Variants in NSD1 observed in about 807,000 individuals in gnomAD.
NSD1 encodes the protein histone-lysine N-methyltransferase, H3 lysine-36 specific.
Under a neutral mutation model 242.7 loss-of-function variants are expected in NSD1, and 26 were observed. The ratio of observed to expected loss-of-function variants is 0.11; its 90% CI spans 0.08 to 0.15. The LOEUF (loss-of-function observed/expected upper bound fraction) is 0.15, where lower values mean the gene tolerates loss of function less well. Among genes scored for constraint, NSD1 ranks in the 10% least tolerant of loss-of-function variants. The probability of loss-of-function intolerance (pLI) is 1.00; values close to 1 mark genes in which losing one functional copy is unlikely to be tolerated. For missense variants in NSD1, 2,495 were observed against 3,272.8 expected (o/e 0.76, Z 5.80); for synonymous variants, 1,106 against 1,178.1 (o/e 0.94, Z 1.25).
At chr5:177,143,466 T>C (rs796369846) in intron 2 of NSD1, among the ~76,000 whole-genome samples, 1 of 151,524 alleles carries the variant, frequency 6.6e-6, no homozygotes, top group South Asian at 2.1e-4. Flanking sequence ...GGATTACAGG[T>C]GCATGCCACC....
intron 5 of NSD1, among the ~76,000 whole-genome samples, chr5:177,224,131 C>A (rs1373792786): frequency 6.6e-6 from 1 of 152,064 alleles, no homozygotes; most frequent in Non-Finnish European, 1.5e-5. Flanking sequence ...TTTTCAAGAT[C>A]ATTTTGGCTC....
upstream of NSD1, among the ~76,000 whole-genome samples, chr5:177,132,490 C>T (rs1482613642): frequency 6.6e-6 from 1 of 151,842 alleles, no homozygotes; most frequent in African/African-American, 2.4e-5. The surrounding 1 kb of genome is among the most constrained non-coding windows in gnomAD (Gnocchi z 7.5). Context: ...GACCCCCTCC[C>T]CCGGCGTTCC....
chr5:177,214,227 G>A (rs1025450771), intron 5 of NSD1, among the ~76,000 whole-genome samples: 6 of 152,156 alleles, frequency 3.9e-5, no homozygotes, highest in Admixed American at 3.9e-4. Flanking sequence ...AGCCACTCGG[G>A]AGGCTGAGGT....
chr5:177,216,488 T>C (rs1178759230), intron 5 of NSD1, among the ~76,000 whole-genome samples: 1 of 152,190 alleles, frequency 6.6e-6, no homozygotes, highest in Non-Finnish European at 1.5e-5. Context: ...AGGTCTTTGA[T>C]CTATTTTATG....
chr5:177,183,798 C>G (rs116029808), intron 2 of NSD1, among the ~76,000 whole-genome samples: 85 of 152,158 alleles, frequency 5.6e-4, no homozygotes, highest in African/African-American at 2.0e-3. Flanking sequence ...ACTTCCCTTC[C>G]TAGCTTCTAG....
chr5:177,199,613 T>TCTTTTCTTTTC (rs776032109), intron 3 of NSD1, among the ~76,000 whole-genome samples: 4 of 151,456 alleles, frequency 2.6e-5, no homozygotes, highest in African/African-American at 7.3e-5. Flanking sequence ...TCTTTTCTTT[T>TCTTTTCTTTTC]TTTTTGAGAT....
chr5:177,204,782 TTTTGTTTG>T (rs1302093398), intron 4 of NSD1, among the ~76,000 whole-genome samples: 4 of 151,854 alleles, frequency 2.6e-5, no homozygotes, highest in Non-Finnish European at 4.4e-5. Context: ...GGTGGGTTTT[TTTTGTTTG>T]TTTGTTTGTT....
At chr5:177,155,222 CAG>C (rs1491500588) in intron 2 of NSD1, among the ~76,000 whole-genome samples, 1 of 152,170 alleles carries the variant, frequency 6.6e-6, no homozygotes, top group Non-Finnish European at 1.5e-5. Flanking sequence ...CTCCCTACCT[CAG>C]GGGATCCGCC....
Position 177,210,648 on chromosome 5 carries a change from C to T in NSD1, c.2249C>T (p.Ala750Val), listed in dbSNP as rs771678307. 1.5e-5 allele frequency: 24 copies of T among 1,614,084 alleles called. No homozygotes were observed. Among genetic ancestry groups the T allele is most frequent in the East Asian group, 2.2e-5 (1 of 44,882 alleles). Residue 750 changes from alanine (A) to valine (V), a missense_variant, in exon 5 of 23, where the codon GCT becomes GTT. Around this residue, in one of 19 missense-constraint regions of NSD1, gnomAD observed 515 missense variants for 467.0 expected, o/e 1.10. Transcript: ENST00000439151. Reference protein sequence around the residue: ...HKPQSDFTNDALSPKFNLSSS... With the variant: ...HKPQSDFTNDVLSPKFNLSSS... ...CCCCAGTCAGATTTTACAAATGATG[C>T]TCTCTCTCCAAAATTCAACCTGTCA...
intron 9 of NSD1, among the ~76,000 whole-genome samples, chr5:177,246,051 A>G (rs772835133): frequency 4.0e-5 from 6 of 148,800 alleles, no homozygotes; most frequent in East Asian, 2.0e-4. Flanking sequence ...GCTCACTGCA[A>G]CCTCTACCTC....
chr5:177,253,479 AGTTT>A (rs1291906512), intron 12 of NSD1, among the ~76,000 whole-genome samples: 4 of 152,200 alleles, frequency 2.6e-5, no homozygotes, highest in African/African-American at 7.2e-5. Context: ...GCTGAGTAGT[AGTTT>A]GTTGTATGGA....
chr5:177,172,980 A>AAG (rs1759839903), intron 2 of NSD1, among the ~76,000 whole-genome samples: 2 of 151,110 alleles, frequency 1.3e-5, no homozygotes, highest in African/African-American at 4.9e-5. Flanking sequence ...AAAAAAAAAA[A>AAG]AAGAATATTT....
chr5:177,261,471 A>G (rs1220708472), intron 14 of NSD1, among the ~76,000 whole-genome samples: 1 of 151,936 alleles, frequency 6.6e-6, no homozygotes, highest in Non-Finnish European at 1.5e-5. Context: ...ATCCCTGACA[A>G]CTTGATTTTT....
rs1249662041 is a variant in NSD1, at chr5:177,295,539, C to T, written c.*80C>T. 2.8e-6 allele frequency: 4 copies of T among 1,418,082 alleles called. No individual in the cohort carries two copies. The highest frequency in any genetic ancestry group is 2.4e-5 in the South Asian group (2 of 82,162). The allele number at this position is 1,418,082 out of a possible 1,614,324, so 87.8% of individuals were successfully genotyped here. A position where few individuals can be genotyped will look rare whatever the true frequency, so the allele number is the denominator to read the frequency against. On this transcript the variant is annotated 3_prime_UTR_variant, in exon 23 of 23. Coordinates refer to ENST00000439151, the MANE Select transcript of NSD1 (RefSeq NM_022455.5). The surrounding 1 kb of genome is among the most constrained non-coding windows in gnomAD (Gnocchi z 4.3). ...GGGGAAATCTTTTCTTTCTTTCCCC[C>T]TTAAAAAAAAACACATCTGCCCCGA... is the stretch of plus-strand genomic sequence containing the variant.
intron 14 of NSD1, among the ~76,000 whole-genome samples, chr5:177,263,862 T>C (rs1238032409): frequency 1.3e-5 from 2 of 152,066 alleles, no homozygotes; most frequent in Non-Finnish European, 2.9e-5. Flanking sequence ...ATGATAAAAT[T>C]TGAGCTTTTA....
chr5:177,146,528 A>T (rs906011730), intron 2 of NSD1, among the ~76,000 whole-genome samples: 2 of 152,066 alleles, frequency 1.3e-5, no homozygotes, highest in African/African-American at 4.8e-5. Context: ...ATTGACGTTC[A>T]TGTAATTTAT....
intron 20 of NSD1, among the ~76,000 whole-genome samples, chr5:177,287,497 G>T (rs1048851790): frequency 6.6e-6 from 1 of 152,112 alleles, no homozygotes; most frequent in Non-Finnish European, 1.5e-5. Flanking sequence ...CTAGCTGGGC[G>T]TGGTGGCAGG....
intron 5 of NSD1, among the ~76,000 whole-genome samples, chr5:177,224,231 T>C (rs1271234481): frequency 6.6e-6 from 1 of 152,200 alleles, no homozygotes; most frequent in Admixed American, 6.5e-5. Context: ...GGGATTGTGC[T>C]GAATCTGTGG....
At chr5:177,178,953 G>A (rs1227959785) in intron 2 of NSD1, among the ~76,000 whole-genome samples, 1 of 152,178 alleles carries the variant, frequency 6.6e-6, no homozygotes, top group Non-Finnish European at 1.5e-5. Context: ...AGAGCCTTAA[G>A]TAGGGGTAAA....
Sources: allele counts gnomAD v4.1 joint callset (sites outside exome capture counted in the v4.1 genomes callset), GRCh38; gene constraint gnomAD v4.1.1; regional missense constraint gnomAD v4.1.1; non-coding constraint Gnocchi (gnomAD v3.1); transcripts MANE v1.5; gene names NCBI Gene and HGNC (gene_info 2026-07-23, HGNC 2026-07-21).